Variants in EXOC4 observed in about 807,000 individuals in gnomAD.
EXOC4 encodes the protein SEC8-like 1.
In EXOC4, 71 loss-of-function variants were observed where a neutral mutation model predicts 107.2. The observed-to-expected ratio is 0.66, with a 90% CI of 0.55 to 0.81. The LOEUF is 0.81. Ranked by LOEUF, EXOC4 falls within the 30% of genes least tolerant of loss-of-function variation. The probability of loss-of-function intolerance (pLI) is 0.00; values close to 1 mark genes in which losing one functional copy is unlikely to be tolerated. For missense variants in EXOC4, 1,108 were observed against 1,189.6 expected, an observed-to-expected ratio of 0.93 and a Z score of 1.01; for synonymous variants, 456 against 441.2, an observed-to-expected ratio of 1.03 and a Z score of -0.42.
At chr7:133,451,697 A>G (rs544362802) in intron 7 of EXOC4, among the ~76,000 whole-genome samples, 1 of 152,310 alleles carries the variant, frequency 6.6e-6, no homozygotes, top group Non-Finnish European at 1.5e-5. Flanking sequence ...TTGAGCTGAT[A>G]GCCACCCATA....
At chr7:133,902,373 T>C (rs1481974339) in intron 12 of EXOC4, among the ~76,000 whole-genome samples, 3 of 152,212 alleles carry the variant, frequency 2.0e-5, no homozygotes, top group African/African-American at 7.2e-5. Flanking sequence ...ACTGCATCTT[T>C]AAAACAATTT....
intron 9 of EXOC4, among the ~76,000 whole-genome samples, chr7:133,623,155 C>T (rs1356734291): frequency 6.6e-6 from 1 of 151,974 alleles, no homozygotes; most frequent in South Asian, 2.1e-4. Flanking sequence ...TTCTACATAT[C>T]CAGGATAATA....
chr7:133,304,877 G>A lies in EXOC4; in HGVS notation c.472-1000G>A, dbSNP rs1036647952. ...ACCAAAGCAGGGAATAATACGCATA[G>A]CATTTCATCCCTGAGGGAGCTCACT... On this transcript the variant is annotated intron_variant, in intron 3 of 17. Coordinates refer to ENST00000253861, the MANE Select transcript of EXOC4 (RefSeq NM_021807.4). Among the ~76,000 whole-genome samples, 47 of 152,156 alleles carry A rather than the reference G, an allele frequency of 3.1e-4. 3 individuals carry two copies. The highest frequency in any genetic ancestry group is 2.9e-5 in the Non-Finnish European group (2 of 68,018).
Position 134,004,964 on chromosome 7 carries a change from A to G in EXOC4, c.2401A>G (p.Ile801Val). Residue 801 changes from isoleucine to valine, a missense_variant, in exon 16 of 18, where the codon ATT (isoleucine) becomes GTT (valine). Transcript: ENST00000253861. Reference sequence around the variant, plus strand: ...TCTTGCAAAGGAGGGGAACTATGCCATTGTGGCTAATGTGGAAAGTATGGA... The same window carrying G: ...TCTTGCAAAGGAGGGGAACTATGCCGTTGTGGCTAATGTGGAAAGTATGGA... ...IPLAKEGNYA[I>V]VANVESMDYD... 1 of 1,613,524 alleles carries G rather than the reference A, an allele frequency of 6.2e-7. No homozygotes were observed. Among genetic ancestry groups the G allele is most frequent in the Non-Finnish European group, 8.5e-7 (1 of 1,179,622 alleles).
chr7:133,369,941 A>G (rs1351334792), intron 6 of EXOC4, among the ~76,000 whole-genome samples: 1 of 150,742 alleles, frequency 6.6e-6, no homozygotes, highest in East Asian at 2.0e-4. Flanking sequence ...AGTAGCTGGG[A>G]TTACAGGCAT....
intron 13 of EXOC4, among the ~76,000 whole-genome samples, chr7:133,927,135 TAAA>T (rs141235054): frequency 1.4e-5 from 2 of 142,410 alleles, no homozygotes; most frequent in Admixed American, 6.9e-5. Flanking sequence ...AAATAAAATG[TAAA>T]AAAAAAAAAA....
chr7:133,952,219 A>C (rs1800709526), intron 14 of EXOC4, among the ~76,000 whole-genome samples: 1 of 152,202 alleles, frequency 6.6e-6, no homozygotes, highest in Non-Finnish European at 1.5e-5. Flanking sequence ...AACTATAACA[A>C]AAATGGCAGA....
chr7:133,725,913 A>G (rs1795205232), intron 10 of EXOC4, among the ~76,000 whole-genome samples: 1 of 152,200 alleles, frequency 6.6e-6, no homozygotes. Context: ...TAAAAGACAG[A>G]GGAAATTCAA....
intron 10 of EXOC4, among the ~76,000 whole-genome samples, chr7:133,787,686 A>G (rs1482893186): frequency 6.6e-6 from 1 of 151,568 alleles, no homozygotes; most frequent in Non-Finnish European, 1.5e-5. Flanking sequence ...CATAGGGTGC[A>G]GGGAGAGAGC....
chr7:133,823,910 T>A (rs1440755175), intron 11 of EXOC4, among the ~76,000 whole-genome samples: 3 of 29,174 alleles, frequency 1.0e-4, no homozygotes, highest in Admixed American at 3.6e-4. Context: ...TATATATATA[T>A]AAATATATAT....
chr7:134,073,438 G>A, the EXOC4 span, among the ~76,000 whole-genome samples: 1 of 151,550 alleles, frequency 6.6e-6, no homozygotes, highest in African/African-American at 2.4e-5. Context: ...TTAGCTATTA[G>A]CGAGGGTTTT....
At chr7:133,736,199 C>A (rs554254501) in intron 10 of EXOC4, among the ~76,000 whole-genome samples, 1 of 152,322 alleles carries the variant, frequency 6.6e-6, no homozygotes, top group African/African-American at 2.4e-5. Context: ...ACCTGAGATC[C>A]TCTCAAGATA....
At chr7:133,858,348 T>A (rs1798463293) in intron 11 of EXOC4, among the ~76,000 whole-genome samples, 1 of 152,116 alleles carries the variant, frequency 6.6e-6, no homozygotes, top group African/African-American at 2.4e-5. Flanking sequence ...TGGGGGTTTT[T>A]ATGGACTCAA....
At chr7:133,558,974 C>G (rs939977352) in intron 9 of EXOC4, among the ~76,000 whole-genome samples, 1 of 152,136 alleles carries the variant, frequency 6.6e-6, no homozygotes, top group Admixed American at 6.5e-5. Context: ...AGGAGAAATT[C>G]TTGATAATAT....
intron 10 of EXOC4, among the ~76,000 whole-genome samples, chr7:133,800,366 A>G (rs1364285739): frequency 6.6e-6 from 1 of 152,166 alleles, no homozygotes; most frequent in Non-Finnish European, 1.5e-5. Context: ...TTTTTATGAT[A>G]TCGTCTTCTT....
intron 7 of EXOC4, among the ~76,000 whole-genome samples, chr7:133,409,468 A>T (rs1035102547): frequency 6.6e-6 from 1 of 152,066 alleles, no homozygotes; most frequent in Non-Finnish European, 1.5e-5. Flanking sequence ...TGGAGGCTAA[A>T]TTTCTTTATC....
chr7:134,098,391 C>A, the EXOC4 span, among the ~76,000 whole-genome samples: 1 of 152,160 alleles, frequency 6.6e-6, no homozygotes, highest in Non-Finnish European at 1.5e-5. Context: ...GTGCTCACAT[C>A]AGTCATGATA....
the EXOC4 span, among the ~76,000 whole-genome samples, chr7:134,093,114 A>G: frequency 6.6e-6 from 1 of 152,108 alleles, no homozygotes; most frequent in African/African-American, 2.4e-5. Context: ...AATGGTCTAA[A>G]TGCCATTTAC....
intron 10 of EXOC4, among the ~76,000 whole-genome samples, chr7:133,672,004 C>G (rs1033014554): frequency 6.6e-6 from 1 of 152,202 alleles, no homozygotes; most frequent in Non-Finnish European, 1.5e-5. Context: ...CTAGCACTGT[C>G]CAAAAGAACT....
Sources: allele counts gnomAD v4.1 joint callset (sites outside exome capture counted in the v4.1 genomes callset), GRCh38; gene constraint gnomAD v4.1.1; transcripts MANE v1.5; gene names NCBI Gene and HGNC (gene_info 2026-07-23, HGNC 2026-07-21).